The following PAN3 variants were observed in gnomAD, a reference collection of about 807,000 sequenced individuals.
PAN3 encodes the protein poly(A) specific ribonuclease subunit PAN3.
A neutral mutation model predicts 96.2 loss-of-function variants in PAN3; 19 were observed. The observed-to-expected ratio is 0.20, with a 90% CI of 0.14 to 0.29. PAN3 has a LOEUF of 0.29. Ranked by LOEUF, PAN3 falls within the 10% of genes least tolerant of loss-of-function variation. The pLI is 1.00. For missense variants in PAN3, 882 were observed against 1,108.1 expected (o/e 0.80, Z 2.90); for synonymous variants, 433 against 406.6 (o/e 1.06, Z -0.78).
chr13:28,178,544 A>G (rs1272531990), intron 4 of PAN3, among the ~76,000 whole-genome samples: 2 of 152,136 alleles, frequency 1.3e-5, no homozygotes, highest in East Asian at 3.8e-4. Flanking sequence ...AATACTAATA[A>G]TCATCTAGAG....
chr13:28,192,048 C>CTTTT (rs58195419), intron 4 of PAN3, among the ~76,000 whole-genome samples: 4 of 123,184 alleles, frequency 3.2e-5, no homozygotes, highest in Non-Finnish European at 3.4e-5. Context: ...TAAAACAATA[C>CTTTT]TTTTTTTTTT....
chr13:28,279,331 TAAA>T (rs1566256256), intron 15 of PAN3, among the ~76,000 whole-genome samples: 1 of 152,206 alleles, frequency 6.6e-6, no homozygotes, highest in African/African-American at 2.4e-5. Context: ...GACAGCTTCT[TAAA>T]AAGGCTCATT....
chr13:28,174,415 A>G (rs201329700), intron 2 of PAN3, 22 bp downstream of exon 2: 796 of 1,609,656 alleles, frequency 4.9e-4, no homozygotes, highest in Non-Finnish European at 6.3e-4. Flanking sequence ...ATAAATTCAT[A>G]TTGCACTATG....
intron 4 of PAN3, among the ~76,000 whole-genome samples, chr13:28,181,420 G>A (rs944438720): frequency 6.7e-6 from 1 of 150,100 alleles, no homozygotes; most frequent in Non-Finnish European, 1.5e-5. Context: ...TGAGAGGTGG[G>A]AGGATGACTT....
chr13:28,195,593 T>C (rs1168770053), intron 4 of PAN3, among the ~76,000 whole-genome samples: 2 of 152,164 alleles, frequency 1.3e-5, no homozygotes, highest in Admixed American at 1.3e-4. Flanking sequence ...TGGAGTGCAG[T>C]GTCATGATCT....
intron 6 of PAN3, among the ~76,000 whole-genome samples, chr13:28,253,672 C>A (rs1276161547): frequency 1.3e-5 from 2 of 150,268 alleles, no homozygotes; most frequent in Admixed American, 1.3e-4. Context: ...TGTTCATGGG[C>A]GCTTTGTGGC....
At chr13:28,289,946 C>G (rs1343747815) in intron 18 of PAN3, among the ~76,000 whole-genome samples, 1 of 152,122 alleles carries the variant, frequency 6.6e-6, no homozygotes, top group African/African-American at 2.4e-5. Flanking sequence ...AAGACAGTTC[C>G]CTTATGAATT....
intron 5 of PAN3, among the ~76,000 whole-genome samples, chr13:28,207,210 C>T (rs1319569145): frequency 6.6e-6 from 1 of 152,168 alleles, no homozygotes; most frequent in African/African-American, 2.4e-5. Flanking sequence ...TGGTGTCTAA[C>T]TTGTGAGCTC....
intron 6 of PAN3, among the ~76,000 whole-genome samples, chr13:28,236,455 T>C (rs1883123142): frequency 6.6e-6 from 1 of 152,132 alleles, no homozygotes. Context: ...GAGTAAAAAA[T>C]GTTCAAAATG....
chr13:28,254,620 T>C (rs1403674402), intron 6 of PAN3, among the ~76,000 whole-genome samples: 1 of 152,146 alleles, frequency 6.6e-6, no homozygotes, highest in African/African-American at 2.4e-5. Context: ...AACTGTACAA[T>C]ATAGAGTTAG....
In PAN3 at chr13:28,295,180, A is replaced by G. The variant is rs1037480211; in HGVS notation, c.*2658A>G. 4 of 152,128 alleles carry G rather than the reference A, an allele frequency of 2.6e-5. No individual in the cohort carries two copies. The highest frequency in any genetic ancestry group is 6.5e-5 in the Admixed American group (1 of 15,274). 9.4% of individuals were successfully genotyped at this position (152,128 alleles called of 1,614,324 possible). ...AGGGTACCTTTGTATTTTGCTTTTGACCTTGGTTCTGTGATTTGGATGTCA... is the reference window on the plus strand; with the variant it reads ...AGGGTACCTTTGTATTTTGCTTTTGGCCTTGGTTCTGTGATTTGGATGTCA... On this transcript the variant is annotated 3_prime_UTR_variant, in exon 19 of 19. Transcript: ENST00000380958.
chr13:28,160,356 C>T (rs1431103891), intron 1 of PAN3, among the ~76,000 whole-genome samples: 11 of 152,090 alleles, frequency 7.2e-5, no homozygotes, highest in Admixed American at 7.2e-4. Flanking sequence ...ACGCTAAGGA[C>T]ATGGTTTAGG....
intron 5 of PAN3, among the ~76,000 whole-genome samples, chr13:28,217,006 C>T (rs1429360644): frequency 2.0e-5 from 3 of 151,548 alleles, no homozygotes; most frequent in Non-Finnish European, 4.4e-5. Context: ...CCCAGCTACT[C>T]TGGAGGCTGA....
intron 4 of PAN3, among the ~76,000 whole-genome samples, chr13:28,193,970 A>G (rs1260874575): frequency 6.6e-6 from 1 of 151,948 alleles, no homozygotes; most frequent in Non-Finnish European, 1.5e-5. Flanking sequence ...CAGCCTGGCC[A>G]AAATGATGAA....
intron 15 of PAN3, among the ~76,000 whole-genome samples, chr13:28,279,434 CT>C (rs1206278420): frequency 3.3e-5 from 5 of 152,252 alleles, no homozygotes; most frequent in East Asian, 1.9e-4. Context: ...CACCTACCCC[CT>C]TTTAGTCCTC....
intron 5 of PAN3, among the ~76,000 whole-genome samples, chr13:28,206,988 T>C (rs1879453621): frequency 1.3e-5 from 2 of 152,144 alleles, no homozygotes; most frequent in Non-Finnish European, 2.9e-5. Flanking sequence ...GACATAGGAC[T>C]TAAAACTCAA....
chr13:28,163,391 G>A (rs932251126), intron 1 of PAN3, among the ~76,000 whole-genome samples: 2 of 152,056 alleles, frequency 1.3e-5, no homozygotes, highest in African/African-American at 4.8e-5. Flanking sequence ...AATAATTGGG[G>A]AATACTTTCT....
chr13:28,172,568 A>G (rs1369340697), intron 1 of PAN3, among the ~76,000 whole-genome samples: 1 of 152,218 alleles, frequency 6.6e-6, no homozygotes, highest in African/African-American at 2.4e-5. Flanking sequence ...CCCAGCTTCA[A>G]CAATGATTGA....
At chr13:28,158,055 C>T (rs952654016) in intron 1 of PAN3, among the ~76,000 whole-genome samples, 3 of 152,198 alleles carry the variant, frequency 2.0e-5, no homozygotes, top group African/African-American at 2.4e-5. Flanking sequence ...ACACCTACAA[C>T]CATCTGATCT....
Sources: gnomAD v4.1 joint callset for allele counts (sites outside exome capture counted in the v4.1 genomes callset) on GRCh38, gnomAD v4.1.1 for gene constraint, MANE v1.5 for transcripts, NCBI Gene and HGNC (gene_info 2026-07-23, HGNC 2026-07-21) for gene names.